The following PRKACB variants were observed in gnomAD, a reference collection of about 807,000 sequenced individuals.
The protein encoded by PRKACB is cAMP-dependent protein kinase catalytic subunit beta.
A neutral mutation model predicts 51.4 loss-of-function variants in PRKACB; 16 were observed. The ratio of observed to expected loss-of-function variants is 0.31; its 90% CI spans 0.21 to 0.47. The LOEUF is 0.47. PRKACB is among the 20% of genes least tolerant of loss of function. The probability of loss-of-function intolerance (pLI) is 1.00; values close to 1 mark genes in which losing one functional copy is unlikely to be tolerated. For synonymous variants in PRKACB, 147 were observed against 154.4 expected, an observed-to-expected ratio of 0.95 and a Z score of 0.35; for missense variants, 309 against 464.5, an observed-to-expected ratio of 0.67 and a Z score of 3.08.
chr1:84,144,224 CAG>C (rs976078812), upstream of PRKACB: 225 of 1,424,714 alleles, frequency 1.6e-4, no homozygotes, highest in African/African-American at 3.2e-3. Flanking sequence ...TAACAGGAAA[CAG>C]AACAGCAGTA....
intron 1 of PRKACB, among the ~76,000 whole-genome samples, chr1:84,113,807 A>G (rs919091311): frequency 1.3e-5 from 2 of 152,224 alleles, no homozygotes; most frequent in South Asian, 4.1e-4. Context: ...AGATACAGAA[A>G]GTAGACTGAT....
chr1:84,078,304 C>T, exon 1 of PRKACB: 1 of 1,606,258 alleles, frequency 6.2e-7, no homozygotes, highest in Non-Finnish European at 8.5e-7. Context: ...TTCCCTGACC[C>T]CTTCTTGCCA....
chr1:84,146,753 A>G (rs552140149), intron 1 of PRKACB, among the ~76,000 whole-genome samples: 3 of 152,176 alleles, frequency 2.0e-5, no homozygotes, highest in African/African-American at 2.4e-5. Flanking sequence ...TTTAGGAGAC[A>G]TGAAATGCAG....
chr1:84,209,993 C>T (rs1671891219), intron 8 of PRKACB, among the ~76,000 whole-genome samples: 1 of 152,200 alleles, frequency 6.6e-6, no homozygotes, highest in Non-Finnish European at 1.5e-5. Context: ...GTTGTGGTCT[C>T]TGCCTTCATG....
At chr1:84,088,450 ATTC>A (rs1376565530) in intron 1 of PRKACB, among the ~76,000 whole-genome samples, 1 of 152,188 alleles carries the variant, frequency 6.6e-6, no homozygotes, top group Non-Finnish European at 1.5e-5. Context: ...TCTATACTGT[ATTC>A]TTCTTAAGTA....
chr1:84,128,867 C>G (rs2100545616), intron 1 of PRKACB, among the ~76,000 whole-genome samples: 1 of 152,286 alleles, frequency 6.6e-6, no homozygotes, highest in Admixed American at 6.5e-5. Context: ...ACTGTCTACA[C>G]ATGTAGCCAT....
intron 9 of PRKACB, among the ~76,000 whole-genome samples, chr1:84,220,937 G>A (rs1673610517): frequency 6.6e-6 from 1 of 152,096 alleles, no homozygotes; most frequent in South Asian, 2.1e-4. Flanking sequence ...TTTTGTATCA[G>A]AGTACTGCTG....
At chr1:84,206,741 A>G (rs533073619) in intron 8 of PRKACB, among the ~76,000 whole-genome samples, 58 of 152,296 alleles carry the variant, frequency 3.8e-4, no homozygotes, top group Non-Finnish European at 7.1e-4. Context: ...TGTTGTTTGT[A>G]CCAACAGTGT....
chr1:84,161,710 A>G (rs1656220391), intron 1 of PRKACB, among the ~76,000 whole-genome samples: 2 of 151,974 alleles, frequency 1.3e-5, no homozygotes, highest in African/African-American at 4.8e-5. Flanking sequence ...ATTCTAGTGG[A>G]ATAGAACTGC....
intron 4 of PRKACB, 69 bp downstream of exon 4, chr1:84,184,204 G>T: frequency 7.5e-7 from 1 of 1,339,870 alleles, no homozygotes; most frequent in Non-Finnish European, 1.0e-6. Context: ...ACTATAAATG[G>T]ATTCTAAACC....
chr1:84,116,263 G>A (rs1650630274), intron 1 of PRKACB, among the ~76,000 whole-genome samples: 6 of 152,054 alleles, frequency 3.9e-5, no homozygotes, highest in Admixed American at 3.9e-4. Context: ...AATATACTTT[G>A]AAATCAGGTA....
chr1:84,164,931 C>T, intron 1 of PRKACB: 10 of 1,526,168 alleles, frequency 6.6e-6, no homozygotes, highest in Non-Finnish European at 8.8e-6. Context: ...TCTTCTCCCT[C>T]TAGAGATTAG....
In PRKACB at chr1:84,232,936, G is replaced by A. The variant is rs571349602; in HGVS notation, c.1072-2244G>A. Among the ~76,000 whole-genome samples, 9 of 151,898 alleles carry A rather than the reference G, an allele frequency of 5.9e-5. No individual in the cohort carries two copies. The South Asian group carries it at 1.7e-3, about 28-fold the overall frequency. On this transcript the variant is annotated intron_variant, in intron 9 of 9. Transcript: ENST00000370685. ...ACATTTAAAGTTAATATTGTTATGT[G>A]TGAATTTGATCCTGTCATTATGATG...
At chr1:84,170,350 A>G (rs939969235) in intron 1 of PRKACB, among the ~76,000 whole-genome samples, 1 of 151,624 alleles carries the variant, frequency 6.6e-6, no homozygotes, top group Non-Finnish European at 1.5e-5. Context: ...AAAATAAGGA[A>G]GCTTGTGTTT....
intron 1 of PRKACB, among the ~76,000 whole-genome samples, chr1:84,172,921 A>G (rs1660009250): frequency 1.3e-5 from 2 of 151,762 alleles, no homozygotes; most frequent in African/African-American, 4.8e-5. Flanking sequence ...AAAGGTAGGC[A>G]TAGTCCAATC....
At chr1:84,091,456 T>G (rs1250716972) in intron 1 of PRKACB, among the ~76,000 whole-genome samples, 1 of 152,050 alleles carries the variant, frequency 6.6e-6, no homozygotes, top group Non-Finnish European at 1.5e-5. Context: ...ACCTAACAAT[T>G]TCTTGGTTCT....
At chr1:84,191,479 C>G (rs77461738) in intron 5 of PRKACB, among the ~76,000 whole-genome samples, 2,809 of 152,066 alleles carry the variant, frequency 0.018, 88 homozygotes, top group East Asian at 0.15. Flanking sequence ...ATATATACAC[C>G]ATGGAATAGT....
At chr1:84,110,282 A>G (rs532677028) in intron 1 of PRKACB, among the ~76,000 whole-genome samples, 1 of 151,944 alleles carries the variant, frequency 6.6e-6, no homozygotes, top group African/African-American at 2.4e-5. Flanking sequence ...TTTACAGTGT[A>G]TTAGGTATTA....
chr1:84,175,862 A>C lies in PRKACB; in HGVS notation c.188-3315A>C, dbSNP rs1252733545. The C allele has an allele frequency of 1.2e-4, 156 of 1,296,308 alleles. 1 individual carries two copies. 80.3% of individuals were successfully genotyped at this position (1,296,308 alleles called of 1,614,324 possible). A position where few individuals can be genotyped will look rare whatever the true frequency, so the allele number is the denominator to read the frequency against. ...GATAGACTATTTAAATCATACAAAC[A>C]GAAAAAATATATAATTGAAAATGTA... On this transcript the variant is annotated intron_variant, in intron 1 of 9. Coordinates refer to ENST00000370685, the MANE Select transcript of PRKACB (RefSeq NM_182948.4).
Sources: allele counts gnomAD v4.1 joint callset (sites outside exome capture counted in the v4.1 genomes callset), GRCh38; gene constraint gnomAD v4.1.1; transcripts MANE v1.5; gene names NCBI Gene and HGNC (gene_info 2026-07-23, HGNC 2026-07-21).